The following SORL1 variants were observed in gnomAD, a reference collection of about 807,000 sequenced individuals.
SORL1 encodes the protein sortilin-related receptor.
Under a neutral mutation model 273.7 loss-of-function variants are expected in SORL1, and 127 were observed. The observed-to-expected ratio is 0.46, with a 90% CI of 0.40 to 0.54. SORL1 has a LOEUF of 0.54. Among genes scored for constraint, SORL1 ranks in the 20% least tolerant of loss-of-function variants. The probability of loss-of-function intolerance (pLI) is 0.00; values close to 1 mark genes in which losing one functional copy is unlikely to be tolerated. For synonymous variants in SORL1, 1,031 were observed against 1,067.4 expected (o/e 0.97, Z 0.66); for missense variants, 2,494 against 2,846.1 (o/e 0.88, Z 2.81).
At chr11:121,611,490 G>T (rs1310165457) in intron 39 of SORL1, 1 of 182,370 alleles carries the variant, frequency 5.5e-6, no homozygotes, top group East Asian at 1.5e-4. Flanking sequence ...GGATTTCCTG[G>T]TGCTAAGCGC....
intron 22 of SORL1, among the ~76,000 whole-genome samples, chr11:121,567,678 C>A (rs576812788): frequency 6.6e-6 from 1 of 152,300 alleles, no homozygotes; most frequent in East Asian, 1.9e-4. Context: ...CACCCACTCC[C>A]CCTCTGAATT....
chr11:121,541,805 TCTC>T (rs1418844962), intron 12 of SORL1, among the ~76,000 whole-genome samples: 9 of 152,160 alleles, frequency 5.9e-5, no homozygotes, highest in Non-Finnish European at 2.9e-5. Flanking sequence ...CCGTCCCTCT[TCTC>T]CTTCTTCGAC....
At chr11:121,576,883 C>G in intron 24 of SORL1, 1 of 1,535,652 alleles carries the variant, frequency 6.5e-7, no homozygotes, top group African/African-American at 1.4e-5. Flanking sequence ...TCTCAAACCA[C>G]AGGCTGTGTC....
chr11:121,615,760 T>TA (rs1351938352), intron 41 of SORL1, among the ~76,000 whole-genome samples: 1 of 152,178 alleles, frequency 6.6e-6, no homozygotes, highest in Non-Finnish European at 1.5e-5. Flanking sequence ...TAGCTGTCTG[T>TA]AAAATCAGTG....
intron 2 of SORL1, among the ~76,000 whole-genome samples, chr11:121,474,141 A>T (rs938460027): frequency 6.6e-6 from 1 of 152,172 alleles, no homozygotes; most frequent in South Asian, 2.1e-4. Context: ...GGGCCAGGTG[A>T]TGTACCTTCT....
At position 121,586,241 on chromosome 11, in the gene SORL1, C is replaced by T. The variant is rs567213789; in HGVS notation, c.3726C>T (p.Phe1242=). 5 of 1,613,604 alleles carry T rather than the reference C, an allele frequency of 3.1e-6. No individual in the cohort carries two copies. The South Asian group carries it at 4.4e-5, about 14-fold the overall frequency. ...PVNCEKKCNG[F]RCPNGTCIPS... is the part of the protein sequence containing the mutation. Reference sequence around the variant, plus strand: ...TTTCAGAGAAGAAGTGCAATGGATTCCGCTGCCCAAACGGCACTTGCATCC... The same window carrying T: ...TTTCAGAGAAGAAGTGCAATGGATTTCGCTGCCCAAACGGCACTTGCATCC... Residue 1242 remains phenylalanine, a synonymous_variant, in exon 27 of 48, where the codon TTC becomes TTT. Coordinates refer to ENST00000260197, the MANE Select transcript of SORL1 (RefSeq NM_003105.6).
At chr11:121,486,523 A>G (rs1248784741) in intron 3 of SORL1, among the ~76,000 whole-genome samples, 4 of 139,352 alleles carry the variant, frequency 2.9e-5, no homozygotes, top group African/African-American at 1.1e-4. Flanking sequence ...TCTGTCGCCC[A>G]GGCTGGAGTG....
At chr11:121,615,376 C>T (rs1863625674) in intron 41 of SORL1, among the ~76,000 whole-genome samples, 1 of 152,072 alleles carries the variant, frequency 6.6e-6, no homozygotes, top group Admixed American at 6.6e-5. Flanking sequence ...CCTTTCTCCT[C>T]CTTGGTGTCC....
At chr11:121,582,482 A>G (rs1863027156) in intron 25 of SORL1, among the ~76,000 whole-genome samples, 1 of 152,244 alleles carries the variant, frequency 6.6e-6, no homozygotes, top group African/African-American at 2.4e-5. Context: ...ACAGACACAA[A>G]CAGCTTTCTG....
intron 47 of SORL1, 47 bp from the exon 48 acceptor site, chr11:121,629,449 G>A: frequency 2.1e-6 from 2 of 965,432 alleles, no homozygotes; most frequent in Non-Finnish European, 3.4e-6. Context: ...ATGGGGTCAG[G>A]TGAAAATGTG....
intron 25 of SORL1, among the ~76,000 whole-genome samples, chr11:121,582,888 C>T (rs912374104): frequency 2.6e-5 from 4 of 152,040 alleles, no homozygotes; most frequent in Non-Finnish European, 5.9e-5. Flanking sequence ...TATGGCCTTC[C>T]AGAACTTAGC....
At chr11:121,523,055 T>G in intron 11 of SORL1, 66 bp downstream of exon 11, 1 of 1,087,466 alleles carries the variant, frequency 9.2e-7, no homozygotes, top group African/African-American at 1.5e-5. Flanking sequence ...ATGTAGACTG[T>G]GCCTTGGCAT....
intron 4 of SORL1, among the ~76,000 whole-genome samples, chr11:121,489,398 G>A (rs1861518845): frequency 6.6e-6 from 1 of 152,070 alleles, no homozygotes; most frequent in Admixed American, 6.6e-5. Context: ...TCTGCCCCCA[G>A]CCCCTGGCAA....
chr11:121,497,118 A>T (rs1413055645), intron 6 of SORL1, 69 bp downstream of exon 6: 1 of 1,364,302 alleles, frequency 7.3e-7, no homozygotes, highest in African/African-American at 1.4e-5. Context: ...TTCTGTGATT[A>T]AACAGGTGAG....
At chr11:121,612,494 A>G (rs1055498376) in intron 39 of SORL1, 4 of 325,230 alleles carry the variant, frequency 1.2e-5, no homozygotes, top group South Asian at 4.8e-5. Context: ...TTTTTGTTTC[A>G]TTGAATCTAT....
At chr11:121,497,879 A>G (rs181898621) in intron 6 of SORL1, among the ~76,000 whole-genome samples, 8 of 152,292 alleles carry the variant, frequency 5.3e-5, no homozygotes, top group Admixed American at 5.2e-4. Flanking sequence ...TGTTAACCTT[A>G]GAGACTGAAA....
At chr11:121,557,886 G>A (rs1862614886) in intron 19 of SORL1, among the ~76,000 whole-genome samples, 1 of 152,164 alleles carries the variant, frequency 6.6e-6, no homozygotes, top group Admixed American at 6.5e-5. Flanking sequence ...GGAAATTCTG[G>A]ATTTGACATT....
intron 8 of SORL1, among the ~76,000 whole-genome samples, chr11:121,515,094 T>G (rs1861932164): frequency 6.6e-6 from 1 of 152,246 alleles, no homozygotes; most frequent in Non-Finnish European, 1.5e-5. Flanking sequence ...GGCATGCCCC[T>G]GTGCCCACTG....
chr11:121,508,911 A>G (rs1861828715), intron 6 of SORL1, among the ~76,000 whole-genome samples: 1 of 152,194 alleles, frequency 6.6e-6, no homozygotes, highest in Non-Finnish European at 1.5e-5. Context: ...CTTCCAATTA[A>G]TATTAACTTT....
Sources: gnomAD v4.1 joint callset for allele counts (sites outside exome capture counted in the v4.1 genomes callset) on GRCh38, gnomAD v4.1.1 for gene constraint, MANE v1.5 for transcripts, NCBI Gene and HGNC (gene_info 2026-07-23, HGNC 2026-07-21) for gene names.